Variants in PPP6R3 observed in about 807,000 individuals in gnomAD.
PPP6R3 encodes the protein protein phosphatase 6 regulatory subunit 3.
In PPP6R3, 38 loss-of-function variants were observed where a neutral mutation model predicts 110.7. The observed-to-expected ratio is 0.34, with a 90% confidence interval of 0.26 to 0.45. The LOEUF (loss-of-function observed/expected upper bound fraction) is 0.45, where lower values mean the gene tolerates loss of function less well. PPP6R3 is among the 20% of genes least tolerant of loss of function. The pLI is 1.00. For synonymous variants in PPP6R3, 369 were observed against 373.5 expected (o/e 0.99, Z 0.14); for missense variants, 870 against 1,062.4 (o/e 0.82, Z 2.52).
At chr11:68,548,408 C>CG (rs1482557893) in intron 5 of PPP6R3, among the ~76,000 whole-genome samples, 9 of 146,456 alleles carry the variant, frequency 6.1e-5, no homozygotes, top group Non-Finnish European at 7.6e-5. Flanking sequence ...TTCAGATGGG[C>CG]ACATCCCTAG....
intron 18 of PPP6R3, among the ~76,000 whole-genome samples, chr11:68,592,964 G>C (rs1040602726): frequency 2.0e-5 from 3 of 152,210 alleles, no homozygotes; most frequent in Admixed American, 6.5e-5. Context: ...TGTCCTGGGG[G>C]AGATGGCACC....
At chr11:68,478,936 A>G (rs964225988) in intron 1 of PPP6R3, among the ~76,000 whole-genome samples, 9 of 152,098 alleles carry the variant, frequency 5.9e-5, no homozygotes, top group African/African-American at 2.2e-4. Flanking sequence ...GATTACAGGC[A>G]TGAGCCACCA....
At chr11:68,485,288 T>C (rs2098939628) in intron 1 of PPP6R3, among the ~76,000 whole-genome samples, 1 of 145,584 alleles carries the variant, frequency 6.9e-6, no homozygotes, top group Non-Finnish European at 1.5e-5. Context: ...TTTTTTTTTT[T>C]TTTTCAATTC....
rs534954737 is a variant in PPP6R3, at chr11:68,603,080, A to C, written c.2300-262A>C. The stretch of plus-strand genomic sequence containing the variant: ...GTCTGCTGGGAGAAGCTGGGTATGG[A>C]GGTGGACGCTGAGCTGGGAGGGATG... On this transcript the variant is annotated intron_variant, in intron 21 of 23. Coordinates refer to ENST00000393800, the MANE Select transcript of PPP6R3 (RefSeq NM_001164161.2). Among the ~76,000 whole-genome samples the C allele has an allele frequency of 1.5e-4, 23 of 152,164 alleles. No individual in the cohort carries two copies. The East Asian group carries it at 2.1e-3, about 14-fold the overall frequency.
intron 22 of PPP6R3, among the ~76,000 whole-genome samples, chr11:68,606,815 CTG>C (rs1940354834): frequency 6.6e-6 from 1 of 152,140 alleles, no homozygotes; most frequent in African/African-American, 2.4e-5. Flanking sequence ...AGTGATAAAA[CTG>C]TTGTTCTTTG....
chr11:68,594,318 G>A (rs1010420103), intron 18 of PPP6R3, among the ~76,000 whole-genome samples: 16 of 142,290 alleles, frequency 1.1e-4, no homozygotes, highest in South Asian at 6.8e-4. Flanking sequence ...GAGAGAGAGA[G>A]AAAAAGAGAG....
chr11:68,581,730 C>G (rs2099555433), intron 14 of PPP6R3, among the ~76,000 whole-genome samples: 1 of 152,248 alleles, frequency 6.6e-6, no homozygotes, highest in Non-Finnish European at 1.5e-5. Flanking sequence ...ATGCCCACAT[C>G]TTTACCCAGT....
chr11:68,529,419 ATCTTGGCCAGGCTGG>A (rs1395321772), intron 2 of PPP6R3, among the ~76,000 whole-genome samples: 3 of 152,160 alleles, frequency 2.0e-5, no homozygotes, highest in African/African-American at 7.2e-5. Context: ...GAGTTTCACC[ATCTTGGCCAGGCTGG>A]TCTTGAACTC....
intron 1 of PPP6R3, among the ~76,000 whole-genome samples, chr11:68,472,465 C>G (rs2098798996): frequency 6.6e-6 from 1 of 152,154 alleles, no homozygotes; most frequent in Non-Finnish European, 1.5e-5. Flanking sequence ...GCGACATGTA[C>G]ATCTTCAACT....
At chr11:68,559,696 G>C (rs2099411753) in intron 8 of PPP6R3, among the ~76,000 whole-genome samples, 2 of 152,142 alleles carry the variant, frequency 1.3e-5, no homozygotes, top group South Asian at 4.1e-4. Flanking sequence ...TAGTTTGGGG[G>C]TTGTTTGCCT....
intron 1 of PPP6R3, among the ~76,000 whole-genome samples, chr11:68,516,586 A>G (rs1364665190): frequency 6.6e-6 from 1 of 152,174 alleles, no homozygotes; most frequent in African/African-American, 2.4e-5. Context: ...TCACTTGCCC[A>G]TTCATCTGTT....
chr11:68,475,007 A>G (rs1336586682), intron 1 of PPP6R3, among the ~76,000 whole-genome samples: 1 of 152,082 alleles, frequency 6.6e-6, no homozygotes, highest in African/African-American at 2.4e-5. Context: ...AGGGAAGGTC[A>G]ACATACAAAC....
At chr11:68,475,562 G>A (rs1191554793) in intron 1 of PPP6R3, among the ~76,000 whole-genome samples, 4 of 145,132 alleles carry the variant, frequency 2.8e-5, no homozygotes, top group East Asian at 2.0e-4. Context: ...CCTCCCTCCC[G>A]GACGGGGCGG....
chr11:68,477,735 A>ATATATAT (rs1458541567), intron 1 of PPP6R3, among the ~76,000 whole-genome samples: 9 of 64,162 alleles, frequency 1.4e-4, no homozygotes, highest in African/African-American at 5.3e-4. Context: ...TCTTAAAAAA[A>ATATATAT]AAAAAAATAT....
chr11:68,598,454 G>C (rs1050718078), intron 19 of PPP6R3, among the ~76,000 whole-genome samples: 1 of 152,144 alleles, frequency 6.6e-6, no homozygotes, highest in African/African-American at 2.4e-5. Context: ...CCTACCTCCC[G>C]GGGTTAAGTG....
At chr11:68,494,283 T>C (rs1369984662) in intron 1 of PPP6R3, among the ~76,000 whole-genome samples, 2 of 151,596 alleles carry the variant, frequency 1.3e-5, no homozygotes, top group African/African-American at 2.4e-5. Context: ...CCCAGCACTT[T>C]GGGAGGCCGA....
In PPP6R3 at chr11:68,614,588, A is replaced by AT; in HGVS notation, c.*1471_*1472insT. The AT allele has an allele frequency of 6.7e-7, 1 of 1,503,482 alleles. No individual in the cohort carries two copies. Among genetic ancestry groups the AT allele is most frequent in the Non-Finnish European group, 8.8e-7 (1 of 1,135,050 alleles). The allele number at this position is 1,503,482 out of a possible 1,614,324, so 93.1% of individuals were successfully genotyped here. The stretch of plus-strand genomic sequence containing the variant: ...TTGCATATGGAAATAAAAGAATCAA[A>AT]CGTCTAATGCCTTATTATTTCTGAT... On this transcript the variant is annotated 3_prime_UTR_variant, in exon 24 of 24. Transcript: ENST00000393800.
chr11:68,530,371 A>C (rs781282519), intron 2 of PPP6R3, among the ~76,000 whole-genome samples: 1 of 152,108 alleles, frequency 6.6e-6, no homozygotes, highest in African/African-American at 2.4e-5. Flanking sequence ...TTTTCTTTGT[A>C]GTGTTCTGTT....
At chr11:68,590,832 G>C in intron 17 of PPP6R3, 118 bp downstream of exon 17, 2 of 1,210,314 alleles carry the variant, frequency 1.7e-6, no homozygotes, top group Non-Finnish European at 2.2e-6. Context: ...TCCTAAATTG[G>C]TGTTACATAC....
Sources: allele counts gnomAD v4.1 joint callset (sites outside exome capture counted in the v4.1 genomes callset), GRCh38; gene constraint gnomAD v4.1.1; transcripts MANE v1.5; gene names NCBI Gene and HGNC (gene_info 2026-07-23, HGNC 2026-07-21).